The following SYNDIG1 variants were observed in gnomAD, a reference collection of about 807,000 sequenced individuals.
The protein encoded by SYNDIG1 is synapse differentiation-inducing gene protein 1.
In SYNDIG1, 9 loss-of-function variants were observed where a neutral mutation model predicts 19.4. The observed-to-expected ratio is 0.46, with a 90% CI of 0.28 to 0.81. The LOEUF is 0.81. Among genes scored for constraint, SYNDIG1 ranks in the 30% least tolerant of loss-of-function variants. The pLI is 0.12. For missense variants in SYNDIG1, 311 were observed against 343.3 expected (o/e 0.91, Z 0.74); for synonymous variants, 141 against 145.9 (o/e 0.97, Z 0.24).
intron 3 of SYNDIG1, among the ~76,000 whole-genome samples, chr20:24,649,316 C>T (rs1311592177): frequency 6.6e-6 from 1 of 152,142 alleles, no homozygotes; most frequent in Admixed American, 6.5e-5. Context: ...TTTGGTGGTT[C>T]CATTGAGATC....
intron 3 of SYNDIG1, among the ~76,000 whole-genome samples, chr20:24,601,453 T>A (rs2147124850): frequency 6.6e-6 from 1 of 152,346 alleles, no homozygotes; most frequent in East Asian, 1.9e-4. Flanking sequence ...AGGAAGATTT[T>A]AAATTAGTGA....
intron 1 of SYNDIG1, among the ~76,000 whole-genome samples, chr20:24,523,718 T>C (rs150242204): frequency 7.0e-4 from 107 of 152,320 alleles, no homozygotes; most frequent in African/African-American, 2.5e-3. Context: ...ATTCTGGCTG[T>C]GTGTGTTTTT....
chr20:24,638,525 T>C (rs1696450359), intron 3 of SYNDIG1, among the ~76,000 whole-genome samples: 1 of 151,814 alleles, frequency 6.6e-6, no homozygotes, highest in South Asian at 2.1e-4. Flanking sequence ...GCCCGGTGAA[T>C]TTTTTGTATT....
At chr20:24,523,324 C>T (rs1035199121) in intron 1 of SYNDIG1, among the ~76,000 whole-genome samples, 2 of 152,130 alleles carry the variant, frequency 1.3e-5, no homozygotes, top group African/African-American at 2.4e-5. Flanking sequence ...AAGTTTAGCA[C>T]GATGCTTGGG....
chr20:24,613,573 G>A (rs888010262), intron 3 of SYNDIG1, among the ~76,000 whole-genome samples: 10 of 151,906 alleles, frequency 6.6e-5, no homozygotes, highest in South Asian at 2.1e-4. Context: ...AAAGCCACCC[G>A]CACCCCCTGC....
At chr20:24,653,764 C>G (rs1180929347) in intron 3 of SYNDIG1, among the ~76,000 whole-genome samples, 5 of 152,216 alleles carry the variant, frequency 3.3e-5, no homozygotes, top group Admixed American at 3.3e-4. Context: ...AGGCTGGAAG[C>G]CTGAGGTTGG....
At chr20:24,554,955 G>A (rs2057782979) in intron 2 of SYNDIG1, among the ~76,000 whole-genome samples, 2 of 151,994 alleles carry the variant, frequency 1.3e-5, no homozygotes, top group South Asian at 4.2e-4. Context: ...TGGTTGGTAA[G>A]CTATTGATTA....
chr20:24,551,580 G>T (rs186235576), intron 2 of SYNDIG1, among the ~76,000 whole-genome samples: 15 of 151,734 alleles, frequency 9.9e-5, no homozygotes, highest in African/African-American at 3.6e-4. Context: ...CGTGAGCTGG[G>T]ATTACTTATT....
intron 3 of SYNDIG1, among the ~76,000 whole-genome samples, chr20:24,663,375 A>G (rs1230779506): frequency 6.6e-6 from 1 of 152,204 alleles, no homozygotes; most frequent in African/African-American, 2.4e-5. Flanking sequence ...AAGCAGACAC[A>G]CCAGCTTGAG....
chr20:24,505,108 G>C (rs1288446415), intron 1 of SYNDIG1, among the ~76,000 whole-genome samples: 1 of 152,206 alleles, frequency 6.6e-6, no homozygotes, highest in African/African-American at 2.4e-5. Context: ...GGAGCCAGCA[G>C]AGGGTCTGTG....
In SYNDIG1 at chr20:24,576,811, T is replaced by G. The variant is rs554362671; in HGVS notation, c.481-8045T>G. ...CATCCCATCTCTCAGCAATCCAGCA[T>G]GGACGTCCGTAAGGATTCCTAAATC... On this transcript the variant is annotated intron_variant, in intron 2 of 3. Transcript: ENST00000376862. Among the ~76,000 whole-genome samples, 3 of 152,066 alleles carry G rather than the reference T, an allele frequency of 2.0e-5. No homozygotes were observed. In the South Asian group the frequency reaches 6.2e-4, roughly 32 times the overall value.
intron 3 of SYNDIG1, among the ~76,000 whole-genome samples, chr20:24,621,986 A>G (rs2059046418): frequency 1.3e-5 from 2 of 152,240 alleles, no homozygotes; most frequent in South Asian, 2.1e-4. Flanking sequence ...CCATATGTCT[A>G]TATTTCAACA....
intron 3 of SYNDIG1, among the ~76,000 whole-genome samples, chr20:24,626,158 C>T (rs545622573): frequency 3.4e-5 from 5 of 148,634 alleles, no homozygotes; most frequent in South Asian, 2.2e-4. Context: ...GGCGGCTGGC[C>T]GGGCAGGGGG....
chr20:24,604,841 G>A (rs1204097932), intron 3 of SYNDIG1, among the ~76,000 whole-genome samples: 6 of 152,036 alleles, frequency 3.9e-5, no homozygotes, highest in Non-Finnish European at 8.8e-5. Context: ...GGTCTGGATC[G>A]GGACTCCTTT....
chr20:24,619,728 C>A (rs935918824), intron 3 of SYNDIG1, among the ~76,000 whole-genome samples: 10 of 152,208 alleles, frequency 6.6e-5, no homozygotes, highest in Non-Finnish European at 1.0e-4. Context: ...TGTTATTAGA[C>A]AACAAAGCTC....
At position 24,665,581 on chromosome 20, in the gene SYNDIG1, C is replaced by T; in HGVS notation, c.*77C>T. The T allele has an allele frequency of 1.3e-6, 2 of 1,568,984 alleles. No individual in the cohort carries two copies. The highest frequency in any genetic ancestry group is 4.1e-5 in the Admixed American group (2 of 48,992). ...GAGGAAGCAGGCATACCGCATGATGCTGTACAGTACAAATGATTGCCAAAT... is the reference window on the plus strand; with the variant it reads ...GAGGAAGCAGGCATACCGCATGATGTTGTACAGTACAAATGATTGCCAAAT... On this transcript the variant is annotated 3_prime_UTR_variant, in exon 4 of 4. Transcript: ENST00000376862.
intron 3 of SYNDIG1, among the ~76,000 whole-genome samples, chr20:24,657,182 T>C (rs1431429524): frequency 6.6e-6 from 1 of 152,186 alleles, no homozygotes. Flanking sequence ...TATTCCTTTA[T>C]AGCATTGCAA....
At chr20:24,623,176 C>CA (rs56072016) in intron 3 of SYNDIG1, among the ~76,000 whole-genome samples, 85,408 of 140,530 alleles carry the variant, frequency 0.61, 25,080 homozygotes, top group Admixed American at 0.67. Flanking sequence ...AAGACTCCGT[C>CA]AAAAAAAAAA....
At chr20:24,602,067 C>T (rs2058687615) in intron 3 of SYNDIG1, among the ~76,000 whole-genome samples, 1 of 151,864 alleles carries the variant, frequency 6.6e-6, no homozygotes, top group Non-Finnish European at 1.5e-5. Flanking sequence ...TTGTATGTTT[C>T]AATCACCTGC....
Sources: gnomAD v4.1 joint callset for allele counts (sites outside exome capture counted in the v4.1 genomes callset) on GRCh38, gnomAD v4.1.1 for gene constraint, MANE v1.5 for transcripts, NCBI Gene and HGNC (gene_info 2026-07-23, HGNC 2026-07-21) for gene names.